The following ARHGAP24 variants were observed in gnomAD, a reference collection of about 807,000 sequenced individuals.
The protein encoded by ARHGAP24 is rho GTPase-activating protein 24.
ARHGAP24 carries 50 observed loss-of-function variants against 76.4 expected under a neutral mutation model. The ratio of observed to expected loss-of-function variants is 0.65; its 90% CI spans 0.52 to 0.83. The LOEUF is 0.83. ARHGAP24 is among the 40% of genes least tolerant of loss of function. The probability of loss-of-function intolerance (pLI) is 0.00; values close to 1 mark genes in which losing one functional copy is unlikely to be tolerated. For missense variants in ARHGAP24, 930 were observed against 914.2 expected, an observed-to-expected ratio of 1.02 and a Z score of -0.22; for synonymous variants, 345 against 323.3, an observed-to-expected ratio of 1.07 and a Z score of -0.72.
intron 2 of ARHGAP24, among the ~76,000 whole-genome samples, chr4:85,706,078 A>C (rs570157690): frequency 6.6e-6 from 1 of 152,224 alleles, no homozygotes; most frequent in Non-Finnish European, 1.5e-5. Flanking sequence ...TAGAACTTAA[A>C]AAAGATCGGA....
intron 3 of ARHGAP24, among the ~76,000 whole-genome samples, chr4:85,826,998 G>A (rs1729742912): frequency 6.6e-6 from 1 of 152,110 alleles, no homozygotes; most frequent in African/African-American, 2.4e-5. Context: ...ATCAAAATAT[G>A]AGAAATAAAA....
chr4:85,744,919 A>T (rs1427740217), intron 3 of ARHGAP24, among the ~76,000 whole-genome samples: 1 of 152,224 alleles, frequency 6.6e-6, no homozygotes, highest in African/African-American at 2.4e-5. Flanking sequence ...GCGGTACAGA[A>T]TATCATATGC....
At chr4:85,684,810 C>G (rs928627166) in intron 2 of ARHGAP24, among the ~76,000 whole-genome samples, 2 of 152,160 alleles carry the variant, frequency 1.3e-5, no homozygotes, top group Non-Finnish European at 2.9e-5. Flanking sequence ...TTCTTAGAGC[C>G]TCTTTTAACT....
At chr4:85,951,981 A>G (rs1443162351) in intron 5 of ARHGAP24, among the ~76,000 whole-genome samples, 1 of 63,390 alleles carries the variant, frequency 1.6e-5, no homozygotes, top group Non-Finnish European at 3.3e-5. Context: ...AATACCATAA[A>G]GTTATTAAGT....
At chr4:85,968,144 T>C (rs1738741554) in intron 5 of ARHGAP24, among the ~76,000 whole-genome samples, 1 of 152,080 alleles carries the variant, frequency 6.6e-6, no homozygotes, top group Non-Finnish European at 1.5e-5. Flanking sequence ...CAATTTTATT[T>C]AACATACCAA....
chr4:85,485,363 AAAAAAAAAAAAAAATATATATATAT>A lies in ARHGAP24; in HGVS notation c.-21+9806_-21+9830del, dbSNP rs1335980246. 2.3e-3 allele frequency among the ~76,000 whole-genome samples: 140 copies of A among 60,906 alleles called. 3 individuals carry two copies. The highest frequency in any genetic ancestry group is 0.01 in the African/African-American group (135 of 13,430). 40.0% of individuals were successfully genotyped at this position (60,906 alleles called of 152,430 possible). ...ACTCCATCTCAAAAAAAAAAAAAAA[AAAAAAAAAAAAAAATATATATATAT>A]ATATATATATATATATATATATATA... is the stretch of plus-strand genomic sequence containing the variant. On this transcript the variant is annotated intron_variant, in intron 1 of 9. Transcript: ENST00000395184.
At chr4:85,851,318 C>G (rs964456451) in intron 3 of ARHGAP24, among the ~76,000 whole-genome samples, 8 of 152,022 alleles carry the variant, frequency 5.3e-5, no homozygotes, top group Non-Finnish European at 1.2e-4. Flanking sequence ...TTCCTCTGTC[C>G]CTTTATTTTG....
intron 2 of ARHGAP24, among the ~76,000 whole-genome samples, chr4:85,719,822 T>C (rs759275739): frequency 2.6e-5 from 4 of 152,064 alleles, no homozygotes; most frequent in Non-Finnish European, 5.9e-5. Flanking sequence ...CTACATACAA[T>C]GGTAAATCAG....
intron 3 of ARHGAP24, among the ~76,000 whole-genome samples, chr4:85,814,421 T>TG (rs1377832282): frequency 6.6e-6 from 1 of 152,118 alleles, no homozygotes; most frequent in African/African-American, 2.4e-5. Context: ...CTAGATACAA[T>TG]GGGGGTACAG....
intron 3 of ARHGAP24, among the ~76,000 whole-genome samples, chr4:85,807,008 G>T (rs1005385168): frequency 1.3e-5 from 2 of 152,126 alleles, no homozygotes; most frequent in Non-Finnish European, 1.5e-5. Context: ...GGCACCCAAT[G>T]CCACAAAGAT....
intron 1 of ARHGAP24, among the ~76,000 whole-genome samples, chr4:85,518,014 A>G (rs1724582075): frequency 6.6e-6 from 1 of 152,168 alleles, no homozygotes; most frequent in Non-Finnish European, 1.5e-5. Flanking sequence ...GAGACTTTCT[A>G]AAAATATCAC....
chr4:85,639,402 T>C (rs1384837483), intron 2 of ARHGAP24, among the ~76,000 whole-genome samples: 2 of 152,128 alleles, frequency 1.3e-5, no homozygotes, highest in African/African-American at 4.8e-5. Flanking sequence ...TCAGGGGCTA[T>C]AGAAGCAAAG....
At chr4:85,622,265 G>A (rs1256211392) in intron 2 of ARHGAP24, among the ~76,000 whole-genome samples, 1 of 84,402 alleles carries the variant, frequency 1.2e-5, no homozygotes, top group Non-Finnish European at 2.1e-5. Flanking sequence ...ACCCCAAACA[G>A]TCCCCGGTGT....
At chr4:85,960,448 G>A (rs995011574) in intron 5 of ARHGAP24, among the ~76,000 whole-genome samples, 3 of 152,092 alleles carry the variant, frequency 2.0e-5, no homozygotes, top group African/African-American at 4.8e-5. Flanking sequence ...TGAAAACTCT[G>A]TGTTCATAAA....
chr4:85,479,589 T>G (rs945442517), intron 1 of ARHGAP24, among the ~76,000 whole-genome samples: 1 of 152,188 alleles, frequency 6.6e-6, no homozygotes, highest in Non-Finnish European at 1.5e-5. Context: ...GGGAAATTAA[T>G]TAAAGGAGAA....
At chr4:85,603,682 T>TATTC (rs575204515) in intron 2 of ARHGAP24, among the ~76,000 whole-genome samples, 1 of 152,174 alleles carries the variant, frequency 6.6e-6, no homozygotes, top group African/African-American at 2.4e-5. Flanking sequence ...GCAGAAGATT[T>TATTC]ATTCATTCAT....
chr4:85,698,957 C>G (rs538898397), intron 2 of ARHGAP24, among the ~76,000 whole-genome samples: 3 of 152,156 alleles, frequency 2.0e-5, no homozygotes, highest in African/African-American at 4.8e-5. Flanking sequence ...CACCACCCCC[C>G]ACTTGCTCCT....
chr4:85,733,606 CA>C (rs563425736), intron 3 of ARHGAP24, among the ~76,000 whole-genome samples: 77 of 152,218 alleles, frequency 5.1e-4, no homozygotes, highest in Non-Finnish European at 9.3e-4. Context: ...ACATAAGCAA[CA>C]GAAATGTATT....
chr4:85,886,259 A>T (rs948621574), intron 3 of ARHGAP24, among the ~76,000 whole-genome samples: 4 of 152,208 alleles, frequency 2.6e-5, no homozygotes, highest in Admixed American at 1.3e-4. Flanking sequence ...CAGGACAATT[A>T]TATAATCATA....
Sources: gnomAD v4.1 joint callset for allele counts (sites outside exome capture counted in the v4.1 genomes callset) on GRCh38, gnomAD v4.1.1 for gene constraint, MANE v1.5 for transcripts, NCBI Gene and HGNC (gene_info 2026-07-23, HGNC 2026-07-21) for gene names.